The following IL5RA variants were observed in gnomAD, a reference collection of about 807,000 sequenced individuals.
IL5RA encodes the protein interleukin-5 receptor subunit alpha.
A neutral mutation model predicts 50.0 loss-of-function variants in IL5RA; 49 were observed. That is an observed-to-expected ratio of 0.98 (90% CI 0.78 to 1.24). The LOEUF is 1.24. Among genes scored for constraint, IL5RA ranks in the 50% most tolerant of loss-of-function variants. The pLI is 0.00. For synonymous variants in IL5RA, 202 were observed against 174.0 expected (o/e 1.16, Z -1.26); for missense variants, 600 against 500.4 (o/e 1.20, Z -1.90).
rs947973791 is a variant in IL5RA at position 3,066,851 on chromosome 3, T to G, written c.*3374A>C. ...CTCCAGTCTCCCCAGCACTCCCCCATGCTGCACGCAGTGAATTCCAAATGC... is the reference window on the plus strand; with the variant it reads ...CTCCAGTCTCCCCAGCACTCCCCCAGGCTGCACGCAGTGAATTCCAAATGC... On this transcript the variant is annotated 3_prime_UTR_variant, in exon 12 of 12. Coordinates refer to ENST00000446632, the MANE Select transcript of IL5RA (RefSeq NM_175726.4). 1 of 152,300 alleles carries G rather than the reference T, an allele frequency of 6.6e-6. No individual in the cohort carries two copies. The highest frequency in any genetic ancestry group is 2.1e-4 in the South Asian group (1 of 4,832). The allele number at this position is 152,300 out of a possible 1,614,324, so 9.4% of individuals were successfully genotyped here.
intron 9 of IL5RA, among the ~76,000 whole-genome samples, chr3:3,086,767 T>C (rs1030434821): frequency 6.6e-6 from 1 of 152,216 alleles, no homozygotes; most frequent in Admixed American, 6.5e-5. Flanking sequence ...CTAACGTGCA[T>C]GTTTATCACA....
intron 1 of IL5RA, among the ~76,000 whole-genome samples, chr3:3,108,919 T>C (rs334786): frequency 0.68 from 103,817 of 152,136 alleles, 35,650 homozygotes; most frequent in African/African-American, 0.75. Flanking sequence ...ATGCAAACTT[T>C]TAACAAATAG....
At chr3:3,097,616 C>G (rs1703422584) in intron 7 of IL5RA, among the ~76,000 whole-genome samples, 1 of 152,096 alleles carries the variant, frequency 6.6e-6, no homozygotes, top group African/African-American at 2.4e-5. Flanking sequence ...CTACTGGCAT[C>G]TAGTGTGTAG....
chr3:3,088,207 A>T (rs988882412), intron 9 of IL5RA, among the ~76,000 whole-genome samples: 1 of 152,232 alleles, frequency 6.6e-6, no homozygotes, highest in African/African-American at 2.4e-5. Flanking sequence ...AGCGCTCGTT[A>T]TGGATCACAA....
chr3:3,078,349 T>C (rs892002022), intron 9 of IL5RA, among the ~76,000 whole-genome samples: 3 of 152,206 alleles, frequency 2.0e-5, no homozygotes, highest in Non-Finnish European at 4.4e-5. Context: ...GTTCTCTTGC[T>C]TTTTTGCCTC....
At chr3:3,102,438 T>A (rs1703696230) in intron 4 of IL5RA, among the ~76,000 whole-genome samples, 1 of 152,232 alleles carries the variant, frequency 6.6e-6, no homozygotes, top group Admixed American at 6.5e-5. Context: ...TAAACATTCT[T>A]CCTTAAGGGA....
At chr3:3,094,642 T>A (rs1039162390) in intron 8 of IL5RA, among the ~76,000 whole-genome samples, 7 of 152,230 alleles carry the variant, frequency 4.6e-5, no homozygotes, top group African/African-American at 1.7e-4. Context: ...AATTGTTGGA[T>A]CGTATGGGAA....
intron 11 of IL5RA, among the ~76,000 whole-genome samples, chr3:3,072,593 G>C (rs956439005): frequency 2.6e-5 from 4 of 152,300 alleles, no homozygotes; most frequent in Non-Finnish European, 5.9e-5. Context: ...GTTCCATTAA[G>C]AGGCCAGGAC....
intron 4 of IL5RA, among the ~76,000 whole-genome samples, chr3:3,102,151 T>C (rs929227541): frequency 6.6e-6 from 1 of 152,322 alleles, no homozygotes; most frequent in East Asian, 1.9e-4. Context: ...ATAGTGAATA[T>C]GAATCACTTC....
At position 3,104,985 on chromosome 3, in the gene IL5RA, A is replaced by G; in HGVS notation, c.-1T>C. 1 of 1,606,558 alleles carries G rather than the reference A, an allele frequency of 6.2e-7. No homozygotes were observed. Among genetic ancestry groups the G allele is most frequent in the Non-Finnish European group, 8.5e-7 (1 of 1,174,208 alleles). ...GTAATACATGCGCCACGATGATCAT[A>G]TCCTACAGAAAACAAGGGAGATACC... is the stretch of plus-strand genomic sequence containing the variant. On this transcript the variant is annotated splice_region_variant and 5_prime_UTR_variant, in exon 3 of 12. Coordinates refer to ENST00000446632, the MANE Select transcript of IL5RA (RefSeq NM_175726.4).
chr3:3,086,698 G>T (rs763394421), intron 9 of IL5RA, among the ~76,000 whole-genome samples: 12 of 152,048 alleles, frequency 7.9e-5, no homozygotes, highest in Non-Finnish European at 1.8e-4. Flanking sequence ...CAAATTGTAG[G>T]CCTCATTTAG....
intron 9 of IL5RA, among the ~76,000 whole-genome samples, chr3:3,091,353 A>C (rs1703090976): frequency 6.6e-6 from 1 of 152,238 alleles, no homozygotes. Flanking sequence ...GTGATGATGC[A>C]ACTGCTCTGT....
intron 9 of IL5RA, among the ~76,000 whole-genome samples, chr3:3,081,008 T>G (rs892818275): frequency 3.3e-5 from 5 of 152,174 alleles, no homozygotes; most frequent in Non-Finnish European, 7.3e-5. Context: ...ATGGCTATAG[T>G]ATTTTTTTTC....
intron 9 of IL5RA, among the ~76,000 whole-genome samples, chr3:3,084,747 A>G (rs889318421): frequency 6.6e-6 from 1 of 152,246 alleles, no homozygotes; most frequent in Non-Finnish European, 1.5e-5. Context: ...CGGATGTCCC[A>G]CCTACTATCT....
chr3:3,084,861 C>T (rs1427483364), intron 9 of IL5RA, among the ~76,000 whole-genome samples: 2 of 152,386 alleles, frequency 1.3e-5, no homozygotes, highest in Non-Finnish European at 1.5e-5. Flanking sequence ...ATGAATATGT[C>T]CTGCACAGGG....
At position 3,068,614 on chromosome 3, in the gene IL5RA, A is replaced by AAAAAAAAAAAAAAAG. The variant is rs1559856794; in HGVS notation, c.*1610_*1611insCTTTTTTTTTTTTTT. 11 of 135,614 alleles carry AAAAAAAAAAAAAAAG rather than the reference A, an allele frequency of 8.1e-5. No individual in the cohort carries two copies. Among genetic ancestry groups the AAAAAAAAAAAAAAAG allele is most frequent in the African/African-American group, 2.7e-4 (10 of 37,010 alleles). 8.4% of individuals were successfully genotyped at this position (135,614 alleles called of 1,614,324 possible). A position where few individuals can be genotyped will look rare whatever the true frequency, so the allele number is the denominator to read the frequency against. On this transcript the variant is annotated 3_prime_UTR_variant, in exon 12 of 12. Coordinates refer to ENST00000446632, the MANE Select transcript of IL5RA (RefSeq NM_175726.4). Reference sequence around the variant, plus strand: ...AAAAAAAAAAAAAAAAAAAACAAAAACAGGTTTGAGATTATGAATCATTTG... The same window carrying AAAAAAAAAAAAAAAG: ...AAAAAAAAAAAAAAAAAAAACAAAAAAAAAAAAAAAAAAAGCAGGTTTGAGATTATGAATCATTTG...
Position 3,074,768 on chromosome 3 carries a change from A to G in IL5RA, c.1176+14T>C. The G allele has an allele frequency of 2.0e-6, 3 of 1,508,342 alleles. No homozygotes were observed. The highest frequency in any genetic ancestry group is 1.1e-5 in the South Asian group (1 of 88,842). The allele number at this position is 1,508,342 out of a possible 1,614,324, so 93.4% of individuals were successfully genotyped here. On this transcript the variant is annotated intron_variant, in intron 11 of 11. Transcript: ENST00000446632. ...TGGACACATACGGCATATCATAAGA[A>G]CTTTCAACATTACCTCATAGTTAGT...
At chr3:3,073,438 CA>C (rs1702370206) in intron 11 of IL5RA, among the ~76,000 whole-genome samples, 1 of 152,194 alleles carries the variant, frequency 6.6e-6, no homozygotes. Context: ...CAGCCACGCT[CA>C]TTCATTAGCA....
chr3:3,107,214 T>C (rs1575014967), intron 2 of IL5RA, among the ~76,000 whole-genome samples: 1 of 151,562 alleles, frequency 6.6e-6, no homozygotes, highest in Admixed American at 6.6e-5. Context: ...CAGCACAAGG[T>C]ACTCAGTAGG....
Sources: gnomAD v4.1 joint callset for allele counts (sites outside exome capture counted in the v4.1 genomes callset) on GRCh38, gnomAD v4.1.1 for gene constraint, MANE v1.5 for transcripts, NCBI Gene and HGNC (gene_info 2026-07-23, HGNC 2026-07-21) for gene names.